The following ALDH1B1 variants were observed in gnomAD, a reference collection of about 807,000 sequenced individuals.
ALDH1B1 encodes the protein aldehyde dehydrogenase 1 family member B1, also known as aldehyde dehydrogenase family 1 member B1, mitochondrial.
ALDH1B1 carries 19 observed loss-of-function variants against 26.2 expected under a neutral mutation model. That is an observed-to-expected ratio of 0.72 (90% CI 0.51 to 1.06). The LOEUF (loss-of-function observed/expected upper bound fraction) is 1.06. Among genes scored for constraint, ALDH1B1 ranks in the 50% least tolerant of loss-of-function variants. The pLI is 0.00. For missense variants in ALDH1B1, 671 were observed against 683.1 expected, an observed-to-expected ratio of 0.98 and a Z score of 0.20; for synonymous variants, 249 against 286.0, an observed-to-expected ratio of 0.87 and a Z score of 1.31.
Position 38,396,486 on chromosome 9 carries a change from T to G in ALDH1B1, c.738T>G (p.Gly246=). 1 of 1,613,980 alleles carries G rather than the reference T, an allele frequency of 6.2e-7. No homozygotes were observed. Among genetic ancestry groups the G allele is most frequent in the Non-Finnish European group, 8.5e-7 (1 of 1,179,956 alleles). ...TCACGGGGTATGGCCCAACAGCAGG[T>G]GCGGCCATCGCCCAGCACGTGGATG... ...NIITGYGPTA[G]AAIAQHVDVD... is the part of the protein sequence containing the mutation. Residue 246 remains glycine (G), a synonymous_variant, in exon 2 of 2, where the codon GGT becomes GGG. Transcript: ENST00000377698.
In ALDH1B1 at chr9:38,397,339, A is replaced by G. The variant is rs375079128; in HGVS notation, c.*37A>G. The G allele has an allele frequency of 8.3e-6, 13 of 1,571,036 alleles. No homozygotes were observed. The African/African-American group carries it at 1.1e-4, about 13-fold the overall frequency. On this transcript the variant is annotated 3_prime_UTR_variant, in exon 2 of 2. Transcript: ENST00000377698. Reference sequence around the variant, plus strand: ...AGGGAGGCCCAGTCACAGTCCAGCAATTCCACAACCACCTTGACGAATGCT... The same window carrying G: ...AGGGAGGCCCAGTCACAGTCCAGCAGTTCCACAACCACCTTGACGAATGCT...
rs764005152 is a variant in ALDH1B1, at chr9:38,396,229, A to G, written c.481A>G (p.Ile161Val). The change falls in exon 2 of 2, where the codon ATC becomes GTC. Residue 161 changes from isoleucine to valine, a missense_variant. Physicochemically the swap from Ile to Val is conservative, Grantham distance 29. Transcript: ENST00000377698. ...GWADKWHGKT[I>V]PMDGQHFCFT... ...GGCTGACAAGTGGCATGGCAAGACC[A>G]TCCCCATGGATGGCCAGCATTTCTG... 70 of 1,614,174 alleles carry G rather than the reference A, an allele frequency of 4.3e-5. 1 individual carries two copies. The Admixed American group carries it at 1.1e-3, about 26-fold the overall frequency.
Position 38,398,452 on chromosome 9 carries a change from TTATAGG to T in ALDH1B1, c.*1153_*1158del. 6.6e-6 allele frequency: 1 copy of T among 152,306 alleles called. No homozygotes were observed. Among genetic ancestry groups the T allele is most frequent in the African/African-American group, 2.4e-5 (1 of 41,122 alleles). 9.4% of individuals were successfully genotyped at this position (152,306 alleles called of 1,614,324 possible). Reference sequence around the variant, plus strand: ...GTCTCAGCCTCCTGAGTAGCTGGGATTATAGGTACATGCCATCACACCTGGCTAATT... The same window carrying T: ...GTCTCAGCCTCCTGAGTAGCTGGGATTACATGCCATCACACCTGGCTAATT... On this transcript the variant is annotated 3_prime_UTR_variant, in exon 2 of 2. Coordinates refer to ENST00000377698, the MANE Select transcript of ALDH1B1 (RefSeq NM_000692.5).
rs1326825942 is a variant in ALDH1B1, at chr9:38,397,998, G to A, written c.*696G>A. 1 of 167,130 alleles carries A rather than the reference G, an allele frequency of 6.0e-6. No homozygotes were observed. The highest frequency in any genetic ancestry group is 1.5e-5 in the Non-Finnish European group (1 of 68,158). 10.4% of individuals were successfully genotyped at this position (167,130 alleles called of 1,614,324 possible). ...CAGCCATAAAAAGGAATGAAGTACTGACACATGCTGTGACATCAGTGAACC... is the reference window on the plus strand; with the variant it reads ...CAGCCATAAAAAGGAATGAAGTACTAACACATGCTGTGACATCAGTGAACC... On this transcript the variant is annotated 3_prime_UTR_variant, in exon 2 of 2. Transcript: ENST00000377698.
In ALDH1B1 at chr9:38,395,906, C is replaced by G; in HGVS notation, c.158C>G (p.Thr53Ser). 9 of 1,613,928 alleles carry G rather than the reference C, an allele frequency of 5.6e-6. No individual in the cohort carries two copies. The highest frequency in any genetic ancestry group is 7.6e-6 in the Non-Finnish European group (9 of 1,180,012). ...NEWQDAVSKK[T>S]FPTVNPTTGE... is the part of the protein sequence containing the mutation. ...TGGCAAGATGCAGTCAGCAAGAAGACCTTCCCGACGGTCAACCCTACCACC... is the reference window on the plus strand; with the variant it reads ...TGGCAAGATGCAGTCAGCAAGAAGAGCTTCCCGACGGTCAACCCTACCACC... Residue 53 changes from threonine (T) to serine (S), a missense_variant, in exon 2 of 2, where the codon ACC becomes AGC. Transcript: ENST00000377698.
rs199975848 is a variant in ALDH1B1, at chr9:38,396,795, G to A, written c.1047G>A (p.Gly349=). The change falls in exon 2 of 2, where the codon GGG becomes GGA. Residue 349 remains glycine, a synonymous_variant. Transcript: ENST00000377698. ...AGAAAGCAAAGCAGAGGAAAGTGGGGAACCCCTTTGAGCTGGACACCCAGC... is the reference window on the plus strand; with the variant it reads ...AGAAAGCAAAGCAGAGGAAAGTGGGAAACCCCTTTGAGCTGGACACCCAGC... ...TVEKAKQRKV[G]NPFELDTQQG... 1.9e-6 allele frequency: 3 copies of A among 1,614,212 alleles called. No homozygotes were observed. Among genetic ancestry groups the A allele is most frequent in the Non-Finnish European group, 2.5e-6 (3 of 1,180,042 alleles).
chr9:38,396,443 C>G lies in ALDH1B1; in HGVS notation c.695C>G (p.Pro232Arg), dbSNP rs1283844828. The change falls in exon 2 of 2, where the codon CCT (proline) becomes CGT (arginine). Residue 232 changes from proline (P) to arginine (R), a missense_variant. By Grantham distance (103) the Pro-to-Arg change is moderately radical (BLOSUM62 -2). Coordinates refer to ENST00000377698, the MANE Select transcript of ALDH1B1 (RefSeq NM_000692.5). Reference protein sequence around the residue: ...ASLIKEAGFPPGVVNIITGYG... With the variant: ...ASLIKEAGFPRGVVNIITGYG... Reference sequence around the variant, plus strand: ...CTCATCAAGGAGGCAGGCTTTCCCCCTGGGGTGGTGAACATCATCACGGGG... The same window carrying G: ...CTCATCAAGGAGGCAGGCTTTCCCCGTGGGGTGGTGAACATCATCACGGGG... 3 of 1,614,156 alleles carry G rather than the reference C, an allele frequency of 1.9e-6. No homozygotes were observed. The highest frequency in any genetic ancestry group is 2.5e-6 in the Non-Finnish European group (3 of 1,180,018).
rs1016240981 is a variant in ALDH1B1 at position 38,397,196 on chromosome 9, G to A, written c.1448G>A (p.Gly483Glu). Reference sequence around the variant, plus strand: ...ATCGTCACCTGCCACACGCCATTTGGAGGGTTTAAGGAATCTGGAAACGGG... The same window carrying A: ...ATCGTCACCTGCCACACGCCATTTGAAGGGTTTAAGGAATCTGGAAACGGG... ...YNIVTCHTPF[G>E]GFKESGNGRE... Residue 483 changes from glycine (G) to glutamate (E), a missense_variant, in exon 2 of 2, where the codon GGA becomes GAA. Coordinates refer to ENST00000377698, the MANE Select transcript of ALDH1B1 (RefSeq NM_000692.5). The A allele has an allele frequency of 1.9e-6, 3 of 1,614,054 alleles. No individual in the cohort carries two copies. In the African/African-American group the frequency reaches 4.0e-5, roughly 22 times the overall value.
In ALDH1B1 at chr9:38,396,174, C is replaced by T; in HGVS notation, c.426C>T (p.Val142=). 6.2e-7 allele frequency: 1 copy of T among 1,614,158 alleles called. No homozygotes were observed. The highest frequency in any genetic ancestry group is 2.2e-5 in the East Asian group (1 of 44,854). The change falls in exon 2 of 2, where the codon GTC becomes GTT. Residue 142 remains valine (V), a synonymous_variant. Transcript: ENST00000377698. The part of the protein sequence containing the change: ...QESYALDLDE[V]IKVYRYFAGW... ...CTTACGCCTTGGACTTGGATGAGGT[C>T]ATCAAGGTGTATCGGTACTTTGCTG...
Position 38,398,622 on chromosome 9 carries a change from A to T in ALDH1B1, c.*1320A>T, listed in dbSNP as rs577326295. The T allele has an allele frequency of 2.4e-5, 4 of 165,560 alleles. No individual in the cohort carries two copies. In the South Asian group the frequency reaches 8.4e-4, roughly 35 times the overall value. The allele number at this position is 165,560 out of a possible 1,614,324, so 10.3% of individuals were successfully genotyped here. On this transcript the variant is annotated 3_prime_UTR_variant, in exon 2 of 2. Transcript: ENST00000377698. Reference sequence around the variant, plus strand: ...GAGCCACAACACCCGGCCATGAATTAACTCCGTTAAAAAATAAACGTATAC... The same window carrying T: ...GAGCCACAACACCCGGCCATGAATTTACTCCGTTAAAAAATAAACGTATAC...
rs780018406 is a variant in ALDH1B1 at position 38,396,804 on chromosome 9, T to A, written c.1056T>A (p.Phe352Leu). The change falls in exon 2 of 2, where the codon TTT becomes TTA. Residue 352 changes from phenylalanine (F) to leucine (L), a missense_variant. Phe to Leu is a conservative substitution (Grantham distance 22, BLOSUM62 0). Transcript: ENST00000377698. ...KAKQRKVGNPFELDTQQGPQV... is the reference protein window; with the variant it reads ...KAKQRKVGNPLELDTQQGPQV... Reference sequence around the variant, plus strand: ...AGCAGAGGAAAGTGGGGAACCCCTTTGAGCTGGACACCCAGCAGGGGCCTC... The same window carrying A: ...AGCAGAGGAAAGTGGGGAACCCCTTAGAGCTGGACACCCAGCAGGGGCCTC... The A allele has an allele frequency of 4.3e-6, 7 of 1,614,224 alleles. No individual in the cohort carries two copies. Among genetic ancestry groups the A allele is most frequent in the Non-Finnish European group, 5.9e-6 (7 of 1,180,032 alleles).
rs1374926488 is a variant in ALDH1B1 at position 38,398,604 on chromosome 9, A to G, written c.*1302A>G. On this transcript the variant is annotated 3_prime_UTR_variant, in exon 2 of 2. Coordinates refer to ENST00000377698, the MANE Select transcript of ALDH1B1 (RefSeq NM_000692.5). Reference sequence around the variant, plus strand: ...TGCTGGGATTACAGGTGGGAGCCACAACACCCGGCCATGAATTAACTCCGT... The same window carrying G: ...TGCTGGGATTACAGGTGGGAGCCACGACACCCGGCCATGAATTAACTCCGT... 2 of 164,578 alleles carry G rather than the reference A, an allele frequency of 1.2e-5. No homozygotes were observed. Among genetic ancestry groups the G allele is most frequent in the Non-Finnish European group, 3.0e-5 (2 of 67,696 alleles). 10.2% of individuals were successfully genotyped at this position (164,578 alleles called of 1,614,324 possible).
chr9:38,394,878 A>C (rs558475287), intron 1 of ALDH1B1, among the ~76,000 whole-genome samples: 1 of 152,326 alleles, frequency 6.6e-6, no homozygotes, highest in Admixed American at 6.5e-5. Flanking sequence ...TAGTTGTTTT[A>C]ACGAAGTCTA....
chr9:38,396,851 A>T lies in ALDH1B1; in HGVS notation c.1103A>T (p.Glu368Val), dbSNP rs1821302566. 1 of 1,614,114 alleles carries T rather than the reference A, an allele frequency of 6.2e-7. No individual in the cohort carries two copies. Among genetic ancestry groups the T allele is most frequent in the Admixed American group, 1.7e-5 (1 of 59,998 alleles). ...QGPQVDKEQFERVLGYIQLGQ... is the reference protein window; with the variant it reads ...QGPQVDKEQFVRVLGYIQLGQ... Reference sequence around the variant, plus strand: ...CCTCAGGTGGACAAGGAGCAGTTTGAACGAGTCCTAGGCTACATCCAGCTT... The same window carrying T: ...CCTCAGGTGGACAAGGAGCAGTTTGTACGAGTCCTAGGCTACATCCAGCTT... Residue 368 changes from glutamate to valine, a missense_variant, in exon 2 of 2, where the codon GAA becomes GTA. By Grantham distance (121) the Glu-to-Val change is moderately radical. Transcript: ENST00000377698.
At chr9:38,394,474 T>C (rs992030381) in intron 1 of ALDH1B1, 5 of 498,230 alleles carry the variant, frequency 1.0e-5, no homozygotes, top group Admixed American at 6.4e-5. Context: ...TGTTTTTTTG[T>C]AGAGACACGG....
At chr9:38,394,476 G>A (rs1821241827) in intron 1 of ALDH1B1, 1 of 502,750 alleles carries the variant, frequency 2.0e-6, no homozygotes, top group African/African-American at 2.1e-5. Flanking sequence ...TTTTTTTGTA[G>A]AGACACGGTT....
In ALDH1B1 at chr9:38,397,058, CCAA is replaced by C; in HGVS notation, c.1316_1318del (p.Asn439del). On this transcript the variant is annotated inframe_deletion, in exon 2 of 2. Coordinates refer to ENST00000377698, the MANE Select transcript of ALDH1B1 (RefSeq NM_000692.5). ...AAGATTGAGGAGGTGGTTGAGAGGG[CCAA>C]CAACACCAGGTATGGCCTGGCTGCG... 3.7e-6 allele frequency: 6 copies of C among 1,614,158 alleles called. No individual in the cohort carries two copies. Among genetic ancestry groups the C allele is most frequent in the Non-Finnish European group, 5.1e-6 (6 of 1,180,030 alleles).
At chr9:38,394,197 G>T (rs1277184380) in intron 1 of ALDH1B1, among the ~76,000 whole-genome samples, 5 of 152,220 alleles carry the variant, frequency 3.3e-5, no homozygotes, top group Non-Finnish European at 5.9e-5. Context: ...GCTTTGCTAA[G>T]AATCCTGTGT....
In ALDH1B1 at chr9:38,397,237, G is replaced by T; in HGVS notation, c.1489G>T (p.Asp497Tyr). ...ESGNGRELGE[D>Y]GLKAYTEVKT... ...TGGAAACGGGAGGGAGCTGGGTGAG[G>T]ATGGGCTTAAGGCCTACACAGAGGT... The change falls in exon 2 of 2, where the codon GAT (aspartate) becomes TAT (tyrosine). Residue 497 changes from aspartate to tyrosine, a missense_variant. Physicochemically the swap from Asp to Tyr is radical, Grantham distance 160. Transcript: ENST00000377698. 1 of 1,614,192 alleles carries T rather than the reference G, an allele frequency of 6.2e-7. No individual in the cohort carries two copies. Among genetic ancestry groups the T allele is most frequent in the Non-Finnish European group, 8.5e-7 (1 of 1,180,042 alleles).
Sources: allele counts gnomAD v4.1 joint callset (sites outside exome capture counted in the v4.1 genomes callset), GRCh38; gene constraint gnomAD v4.1.1; transcripts MANE v1.5; gene names NCBI Gene and HGNC (gene_info 2026-07-23, HGNC 2026-07-21).